The following PACRG variants were observed in gnomAD, a reference collection of about 807,000 sequenced individuals.
PACRG encodes parkin coregulated gene protein.
Under a neutral mutation model 29.7 loss-of-function variants are expected in PACRG, and 29 were observed. That is an observed-to-expected ratio of 0.98 (90% CI 0.73 to 1.33). The LOEUF (loss-of-function observed/expected upper bound fraction) is 1.33. PACRG is among the 40% of genes most tolerant of loss of function. The pLI is 0.00. For synonymous variants in PACRG, 116 were observed against 118.7 expected, an observed-to-expected ratio of 0.98 and a Z score of 0.15; for missense variants, 279 against 316.2, an observed-to-expected ratio of 0.88 and a Z score of 0.89.
chr6:163,249,679 T>G (rs1782828795), intron 4 of PACRG, among the ~76,000 whole-genome samples: 1 of 152,192 alleles, frequency 6.6e-6, no homozygotes, highest in Non-Finnish European at 1.5e-5. Context: ...CCACGAAGAC[T>G]TAGCAACCAG....
chr6:163,029,515 T>A (rs983864089), intron 2 of PACRG, among the ~76,000 whole-genome samples: 2 of 152,162 alleles, frequency 1.3e-5, no homozygotes, highest in Admixed American at 6.5e-5. Flanking sequence ...ATAAAGATAG[T>A]GTTGTGCTAA....
intron 2 of PACRG, among the ~76,000 whole-genome samples, chr6:162,888,999 G>T (rs1472149231): frequency 6.6e-6 from 1 of 152,134 alleles, no homozygotes; most frequent in Non-Finnish European, 1.5e-5. Context: ...CTAATTTCTG[G>T]CATTAGGCTC....
chr6:162,968,800 G>C (rs1443371427), intron 2 of PACRG, among the ~76,000 whole-genome samples: 1 of 152,080 alleles, frequency 6.6e-6, no homozygotes, highest in Middle Eastern at 3.2e-3. Context: ...TGTAATCCCA[G>C]CACTTTGGGA....
At chr6:162,941,039 TGTTTGTGC>T in intron 2 of PACRG, among the ~76,000 whole-genome samples, 1 of 43,958 alleles carries the variant, frequency 2.3e-5, no homozygotes. Flanking sequence ...TATATGTGTG[TGTTTGTGC>T]ATGTGTGTGT....
rs56216041 is a variant in PACRG, at chr6:163,248,186, A to G, written c.614-66641A>G. Among the ~76,000 whole-genome samples the G allele has an allele frequency of 8.0e-3, 1,215 of 152,358 alleles. 22 individuals carry two copies. Among genetic ancestry groups the G allele is most frequent in the African/African-American group, 0.026 (1,096 of 41,586 alleles). ...AGGCGGAGAGGTTGTTGAATGTTGC[A>G]TGGGTGGGGTGAGGAGCCTGTCACA... On this transcript the variant is annotated intron_variant, in intron 4 of 4. Transcript: ENST00000366888.
chr6:162,818,121 A>AG (rs1264419872), intron 2 of PACRG, among the ~76,000 whole-genome samples: 1 of 152,174 alleles, frequency 6.6e-6, no homozygotes. Flanking sequence ...AACAAAAAAA[A>AG]TGTTAATCTG....
chr6:162,906,432 A>G lies in PACRG; in HGVS notation c.291+92151A>G, dbSNP rs1200354495. Among the ~76,000 whole-genome samples the G allele has an allele frequency of 2.6e-5, 4 of 152,242 alleles. 1 individual carries two copies. The South Asian group carries it at 6.2e-4, about 24-fold the overall frequency. Reference sequence around the variant, plus strand: ...TTGGTAAAAACTAAATAATCAGTAGAGAATAGTGCTTCCAAAACAATTTTA... The same window carrying G: ...TTGGTAAAAACTAAATAATCAGTAGGGAATAGTGCTTCCAAAACAATTTTA... On this transcript the variant is annotated intron_variant, in intron 2 of 4. Transcript: ENST00000366888.
intron 2 of PACRG, among the ~76,000 whole-genome samples, chr6:162,942,063 AC>A (rs1171299780): frequency 1.3e-5 from 2 of 152,212 alleles, no homozygotes; most frequent in Admixed American, 6.5e-5. Context: ...AATCTAAGCC[AC>A]CTTTGCAGAA....
intron 2 of PACRG, among the ~76,000 whole-genome samples, chr6:163,008,811 C>T (rs1265055394): frequency 6.6e-6 from 1 of 151,850 alleles, no homozygotes; most frequent in East Asian, 1.9e-4. Flanking sequence ...AACATCCATA[C>T]ATGTCATGTC....
At chr6:162,796,573 C>G (rs1785398466) in intron 1 of PACRG, among the ~76,000 whole-genome samples, 2 of 151,850 alleles carry the variant, frequency 1.3e-5, no homozygotes, top group Non-Finnish European at 2.9e-5. Flanking sequence ...AATATACTTT[C>G]TCTTCTTCCC....
At chr6:163,064,486 T>G (rs1811365314) in intron 3 of PACRG, among the ~76,000 whole-genome samples, 1 of 152,234 alleles carries the variant, frequency 6.6e-6, no homozygotes, top group African/African-American at 2.4e-5. Context: ...TTGATGCCAT[T>G]GCGTGGCTTT....
In PACRG at chr6:162,970,910, C is replaced by T. The variant is rs112701812; in HGVS notation, c.292-91240C>T. On this transcript the variant is annotated intron_variant, in intron 2 of 4. Coordinates refer to ENST00000366888, the MANE Select transcript of PACRG (RefSeq NM_001080379.2). ...GGGGCAGGCTTGTACTGCAACTCAACAATTGTTTCAGTGGCCATGGGTTGT... is the reference window on the plus strand; with the variant it reads ...GGGGCAGGCTTGTACTGCAACTCAATAATTGTTTCAGTGGCCATGGGTTGT... Among the ~76,000 whole-genome samples, 589 of 152,284 alleles carry T rather than the reference C, an allele frequency of 3.9e-3. 3 individuals are homozygous for T. Among genetic ancestry groups the T allele is most frequent in the African/African-American group, 0.013 (538 of 41,560 alleles).
intron 1 of PACRG, among the ~76,000 whole-genome samples, chr6:162,773,327 A>T (rs1009912818): frequency 2.0e-5 from 3 of 152,082 alleles, no homozygotes; most frequent in African/African-American, 7.2e-5. Flanking sequence ...TTCATAAATG[A>T]TTATAGCTTG....
Position 163,054,917 on chromosome 6 carries a change from G to A in PACRG, c.292-7233G>A, listed in dbSNP as rs904555852. Among the ~76,000 whole-genome samples the A allele has an allele frequency of 3.3e-5, 5 of 152,280 alleles. No homozygotes were observed. In the East Asian group the frequency reaches 5.8e-4, roughly 18 times the overall value. ...CCCCTGGCTGTCTCAGAACCAGCGA[G>A]GTCAGGCCAGGCCAGGGATTGGAGG... On this transcript the variant is annotated intron_variant, in intron 2 of 4. Coordinates refer to ENST00000366888, the MANE Select transcript of PACRG (RefSeq NM_001080379.2).
intron 2 of PACRG, among the ~76,000 whole-genome samples, chr6:162,842,144 G>C (rs2128410549): frequency 6.7e-6 from 1 of 150,244 alleles, no homozygotes; most frequent in Non-Finnish European, 1.5e-5. Flanking sequence ...CAATTCCTGG[G>C]TATCCTTGTT....
At chr6:162,750,123 T>G (rs1781408484) in intron 1 of PACRG, among the ~76,000 whole-genome samples, 1 of 152,228 alleles carries the variant, frequency 6.6e-6, no homozygotes, top group South Asian at 2.1e-4. Flanking sequence ...ATTTGTTCCG[T>G]GTACATAAAA....
chr6:163,112,870 C>A (rs1815787730), intron 4 of PACRG, among the ~76,000 whole-genome samples: 2 of 152,090 alleles, frequency 1.3e-5, no homozygotes, highest in South Asian at 4.2e-4. Context: ...AAGTATTGTC[C>A]ATTCAAAGTA....
intron 4 of PACRG, among the ~76,000 whole-genome samples, chr6:163,089,689 T>A (rs1241411128): frequency 6.6e-6 from 1 of 152,254 alleles, no homozygotes; most frequent in Non-Finnish European, 1.5e-5. Context: ...GAAGTTTTTT[T>A]AATGGTCTTT....
intron 2 of PACRG, among the ~76,000 whole-genome samples, chr6:162,993,257 C>G (rs1803634155): frequency 6.7e-6 from 1 of 150,288 alleles, no homozygotes; most frequent in South Asian, 2.1e-4. Flanking sequence ...TCTATTAGGT[C>G]CACTTGGTAC....
Sources: allele counts gnomAD v4.1 joint callset (sites outside exome capture counted in the v4.1 genomes callset), GRCh38; gene constraint gnomAD v4.1.1; transcripts MANE v1.5; gene names NCBI Gene and HGNC (gene_info 2026-07-23, HGNC 2026-07-21).